SCAP: variants seen among roughly 807,000 people sequenced by gnomAD.
The protein encoded by SCAP is SREBF chaperone, also known as sterol regulatory element-binding protein cleavage-activating protein.
Under a neutral mutation model 123.6 loss-of-function variants are expected in SCAP, and 65 were observed. The observed-to-expected ratio is 0.53, with a 90% CI of 0.43 to 0.65. The LOEUF (loss-of-function observed/expected upper bound fraction) is 0.65. Ranked by LOEUF, SCAP falls within the 30% of genes least tolerant of loss-of-function variation. SCAP has a pLI of 0.00. For missense variants in SCAP, 1,398 were observed against 1,712.5 expected, an observed-to-expected ratio of 0.82 and a Z score of 3.24; for synonymous variants, 740 against 726.3, an observed-to-expected ratio of 1.02 and a Z score of -0.30.
chr3:47,428,483 C>A, intron 4 of SCAP, 30 bp downstream of exon 4: 1 of 1,609,348 alleles, frequency 6.2e-7, no homozygotes, highest in Non-Finnish European at 8.5e-7. Flanking sequence ...GAATGGGATT[C>A]AGGGAGGCCA....
chr3:47,426,951 A>G (rs755966955), intron 6 of SCAP, among the ~76,000 whole-genome samples: 13 of 152,172 alleles, frequency 8.5e-5, no homozygotes, highest in Non-Finnish European at 1.9e-4. Flanking sequence ...TTAGTCCCCT[A>G]TGCTTAACCA....
chr3:47,417,933 A>AGGGGGTGGGGGGAGAG lies in SCAP; in HGVS notation c.2448-123_2448-108dup, dbSNP rs1318745354. The AGGGGGTGGGGGGAGAG allele has an allele frequency of 1.7e-5, 4 of 230,308 alleles. No homozygotes were observed. In the East Asian group the frequency reaches 4.9e-4, roughly 28 times the overall value. The allele number at this position is 230,308 out of a possible 1,614,324, so 14.3% of individuals were successfully genotyped here. On this transcript the variant is annotated intron_variant, in intron 16 of 22. Transcript: ENST00000265565. The stretch of plus-strand genomic sequence containing the variant: ...TGGGAGTGAGAAGGGGCAAGGGAAA[A>AGGGGGTGGGGGGAGAG]GGGGGTGGGGGGAGAGGGTGGTGCG...
rs373167143 is a variant in SCAP, at chr3:47,419,618, C to G, written c.1650G>C (p.Gln550His). 39 of 1,593,700 alleles carry G rather than the reference C, an allele frequency of 2.4e-5. No individual in the cohort carries two copies. Among genetic ancestry groups the G allele is most frequent in the East Asian group, 6.7e-5 (3 of 44,670 alleles). The change falls in exon 13 of 23, where the codon CAG becomes CAC. Residue 550 changes from glutamine to histidine, a missense_variant. Coordinates refer to ENST00000265565, the MANE Select transcript of SCAP (RefSeq NM_012235.4). The surrounding 1 kb of genome is among the most constrained non-coding windows in gnomAD (Gnocchi z 5.0). ...CCAGGGCTCCCTCACCCAATGGGCT[C>G]TGTTCCGTCACCTGGGCAGCGAGGT... is the stretch of plus-strand genomic sequence containing the variant. ...RNYLAAQVTE[Q>H]SPLGEGALAP...
Position 47,413,910 on chromosome 3 carries a change from A to G in SCAP, c.3784T>C (p.Phe1262Leu). ...TACACCAGGCTGAGCTCACTGCCAA[A>G]GTTGCAGACAATGGCAGCGTTGTCC... ...VLDNAAIVCN[F>L]GSELSLVYVP... is the part of the protein sequence containing the mutation. Residue 1262 changes from phenylalanine to leucine, a missense_variant, in exon 23 of 23, where the codon TTT becomes CTT. Coordinates refer to ENST00000265565, the MANE Select transcript of SCAP (RefSeq NM_012235.4). 1 of 1,613,248 alleles carries G rather than the reference A, an allele frequency of 6.2e-7. No homozygotes were observed. The highest frequency in any genetic ancestry group is 8.5e-7 in the Non-Finnish European group (1 of 1,180,030).
chr3:47,418,284 C>T (rs774051545), intron 15 of SCAP, 35 bp from the exon 16 acceptor site: 60 of 1,553,134 alleles, frequency 3.9e-5, no homozygotes, highest in South Asian at 7.1e-5. Flanking sequence ...GGCCAGGCTC[C>T]GGCCCTCCCC....
chr3:47,419,177 T>C lies in SCAP; in HGVS notation c.1940+151A>G, dbSNP rs549444681. The C allele has an allele frequency of 1.1e-5, 12 of 1,115,480 alleles. No homozygotes were observed. The highest frequency in any genetic ancestry group is 4.7e-5 in the African/African-American group (3 of 63,500). 69.1% of individuals were successfully genotyped at this position (1,115,480 alleles called of 1,614,324 possible). A position where few individuals can be genotyped will look rare whatever the true frequency, so the allele number is the denominator to read the frequency against. On this transcript the variant is annotated intron_variant, in intron 13 of 22. Transcript: ENST00000265565. The surrounding 1 kb of genome is among the most constrained non-coding windows in gnomAD (Gnocchi z 5.0). Reference sequence around the variant, plus strand: ...AACCTGGGACTCCTCTCTTGGGTTATAGCTGCCTAAACCACCAGTTCCCAC... The same window carrying C: ...AACCTGGGACTCCTCTCTTGGGTTACAGCTGCCTAAACCACCAGTTCCCAC...
At position 47,420,614 on chromosome 3, in the gene SCAP, G is replaced by A; in HGVS notation, c.1503C>T (p.Pro501=). Residue 501 remains proline (P), a synonymous_variant, in exon 12 of 23, where the codon CCC becomes CCT. Transcript: ENST00000265565. The surrounding 1 kb of genome is among the most constrained non-coding windows in gnomAD (Gnocchi z 5.0). ...QPSSFRNLRL[P]KRLRVVYFLA... ...GGAAGTAGACAACACGCAGCCTCTT[G>A]GGGAGCCGCAGGTTTCGGAAGGAAG... is the stretch of plus-strand genomic sequence containing the variant. 1.2e-6 allele frequency: 2 copies of A among 1,612,214 alleles called. No homozygotes were observed. Among genetic ancestry groups the A allele is most frequent in the Non-Finnish European group, 1.7e-6 (2 of 1,179,870 alleles).
chr3:47,427,810 CA>C, intron 4 of SCAP, 143 bp from the exon 5 acceptor site: 2 of 692,380 alleles, frequency 2.9e-6, no homozygotes, highest in Non-Finnish European at 4.8e-6. Context: ...ACTAGGGCAG[CA>C]GGGGGAAGTA....
chr3:47,419,440 T>C lies in SCAP; in HGVS notation c.1828A>G (p.Ser610Gly). 1 of 1,613,954 alleles carries C rather than the reference T, an allele frequency of 6.2e-7. No homozygotes were observed. Among genetic ancestry groups the C allele is most frequent in the African/African-American group, 1.3e-5 (1 of 75,042 alleles). The stretch of plus-strand genomic sequence containing the variant: ...CCCCAGGTTACCTCTGGGACTGGGC[T>C]GTCATGGACAACCTCTGCTGGACCT... ...RGGPAEVVHD[S>G]PVPEVTWGPE... The change falls in exon 13 of 23, where the codon AGC becomes GGC. Residue 610 changes from serine (S) to glycine (G), a missense_variant. This residue lies in a region of SCAP where 828 missense variants were observed against 882.5 expected (regional missense o/e 0.94). Coordinates refer to ENST00000265565, the MANE Select transcript of SCAP (RefSeq NM_012235.4). The surrounding 1 kb of genome is among the most constrained non-coding windows in gnomAD (Gnocchi z 5.0).
chr3:47,434,932 T>C (rs1363012837), intron 3 of SCAP, 76 bp downstream of exon 3: 3 of 1,594,178 alleles, frequency 1.9e-6, no homozygotes, highest in Non-Finnish European at 2.6e-6. Context: ...AACCTCAATC[T>C]CACTGGCAGA....
Position 47,414,380 on chromosome 3 carries a change from C to A in SCAP, c.3394G>T (p.Val1132Leu). The A allele has an allele frequency of 6.2e-7, 1 of 1,612,686 alleles. No individual in the cohort carries two copies. Among genetic ancestry groups the A allele is most frequent in the East Asian group, 2.2e-5 (1 of 44,888 alleles). The change falls in exon 22 of 23, where the codon GTG becomes TTG. Residue 1132 changes from valine (V) to leucine (L), a missense_variant. This residue lies in a region of SCAP where 44 missense variants were observed against 64.4 expected (regional missense o/e 0.68). Coordinates refer to ENST00000265565, the MANE Select transcript of SCAP (RefSeq NM_012235.4). ...CCATCTTGTCCTCCACTGGCCAGCA[C>A]CATGGTCTGGGGAAACAGGCCAGGG... Reference protein sequence around the residue: ...ITTVYIDQTMVLASGGQDGAI... With the variant: ...ITTVYIDQTMLLASGGQDGAI...
intron 10 of SCAP, among the ~76,000 whole-genome samples, chr3:47,422,137 C>T (rs1296940200): frequency 6.6e-6 from 1 of 152,282 alleles, no homozygotes; most frequent in Non-Finnish European, 1.5e-5. Context: ...CCCTTGCAGC[C>T]TCCTCCTGCC....
At position 47,419,216 on chromosome 3, in the gene SCAP, G is replaced by C. The variant is rs1235076960; in HGVS notation, c.1940+112C>G. The C allele has an allele frequency of 7.3e-7, 1 of 1,373,676 alleles. No homozygotes were observed. 85.1% of individuals were successfully genotyped at this position (1,373,676 alleles called of 1,614,324 possible). On this transcript the variant is annotated intron_variant, in intron 13 of 22. Coordinates refer to ENST00000265565, the MANE Select transcript of SCAP (RefSeq NM_012235.4). This position sits in a 1 kb window ranked among gnomAD's most constrained non-coding sequence, Gnocchi z 5.0. ...ACCAGTTCCCACCTCACAACCTTAT[G>C]AACTGTTTTAATTATTTGCATAATT...
At chr3:47,447,535 A>C (rs1707088418) in intron 1 of SCAP, among the ~76,000 whole-genome samples, 1 of 152,098 alleles carries the variant, frequency 6.6e-6, no homozygotes, top group Non-Finnish European at 1.5e-5. Context: ...TAAAAATACC[A>C]AAATTGGCTG....
intron 3 of SCAP, among the ~76,000 whole-genome samples, chr3:47,431,769 G>C (rs1381541119): frequency 2.6e-5 from 4 of 152,142 alleles, no homozygotes; most frequent in Admixed American, 6.5e-5. Context: ...ACTTACTGTA[G>C]GAGGTGTCTG....
At chr3:47,427,051 C>G in intron 6 of SCAP, 106 bp downstream of exon 6, 7 of 778,514 alleles carry the variant, frequency 9.0e-6, no homozygotes, top group Admixed American at 2.2e-5. Context: ...GAAACTCTCC[C>G]AAGTTTCCAG....
At position 47,413,747 on chromosome 3, in the gene SCAP, G is replaced by A. The variant is rs1324699079; in HGVS notation, c.*107C>T. ...AAAAAGTTTAATATTATTACAGTCA[G>A]GAGGCAGCGGCTGGAAGATACTCGG... On this transcript the variant is annotated 3_prime_UTR_variant, in exon 23 of 23. Transcript: ENST00000265565. 7.1e-7 allele frequency: 1 copy of A among 1,413,620 alleles called. No homozygotes were observed. Among genetic ancestry groups the A allele is most frequent in the Non-Finnish European group, 9.6e-7 (1 of 1,041,650 alleles). 87.6% of individuals were successfully genotyped at this position (1,413,620 alleles called of 1,614,324 possible).
chr3:47,446,930 C>G (rs1394373100), intron 1 of SCAP, among the ~76,000 whole-genome samples: 1 of 152,012 alleles, frequency 6.6e-6, no homozygotes, highest in East Asian at 1.9e-4. Flanking sequence ...GGCAACAGAG[C>G]GAGACTGTGT....
intron 10 of SCAP, 73 bp from the exon 11 acceptor site, chr3:47,421,102 G>T: frequency 8.7e-7 from 1 of 1,146,758 alleles, no homozygotes; most frequent in South Asian, 1.2e-5. Flanking sequence ...GCAGTACCCG[G>T]ACTGCAGCCA....
Sources: gnomAD v4.1 joint callset for allele counts (sites outside exome capture counted in the v4.1 genomes callset) on GRCh38, gnomAD v4.1.1 for gene constraint, gnomAD v4.1.1 regional missense constraint, Gnocchi (gnomAD v3.1) non-coding constraint, MANE v1.5 for transcripts, NCBI Gene and HGNC (gene_info 2026-07-23, HGNC 2026-07-21) for gene names.